PHC3: variants seen among roughly 807,000 people sequenced by gnomAD.
The protein encoded by PHC3 is polyhomeotic homolog 3.
In PHC3, 13 loss-of-function variants were observed where a neutral mutation model predicts 107.4. That is an observed-to-expected ratio of 0.12 (90% CI 0.08 to 0.19). The LOEUF is 0.19. Among genes scored for constraint, PHC3 ranks in the 10% least tolerant of loss-of-function variants. The pLI, the probability that PHC3 is intolerant of heterozygous loss-of-function variation, is 1.00. For synonymous variants in PHC3, 456 were observed against 427.4 expected, an observed-to-expected ratio of 1.07 and a Z score of -0.83; for missense variants, 992 against 1,210.9, an observed-to-expected ratio of 0.82 and a Z score of 2.68.
At chr3:170,166,940 C>T (rs550009508) in intron 4 of PHC3, among the ~76,000 whole-genome samples, 1 of 152,158 alleles carries the variant, frequency 6.6e-6, no homozygotes, top group Admixed American at 6.5e-5. Flanking sequence ...CAAGCATGAG[C>T]CACCATTCTC....
chr3:170,088,551 G>A lies in PHC3; in HGVS notation c.*8679C>T, dbSNP rs568583545. 1 of 152,216 alleles carries A rather than the reference G, an allele frequency of 6.6e-6. No individual in the cohort carries two copies. Among genetic ancestry groups the A allele is most frequent in the Admixed American group, 6.5e-5 (1 of 15,288 alleles). The allele number at this position is 152,216 out of a possible 1,614,324, so 9.4% of individuals were successfully genotyped here. On this transcript the variant is annotated 3_prime_UTR_variant, in exon 15 of 15. Transcript: ENST00000495893. ...CAAAGACCAAGCTTTTGAAGGAGAG[G>A]ACTGGGAATCTAGTTTAAATGTCTA...
chr3:170,172,750 C>G (rs1560133696), intron 2 of PHC3, 38 bp from the exon 3 acceptor site: 3 of 1,560,984 alleles, frequency 1.9e-6, no homozygotes, highest in Non-Finnish European at 2.6e-6. Context: ...AAACCATAAT[C>G]TCAACCTTTA....
At chr3:170,115,877 TCA>T (rs148039100) in intron 10 of PHC3, among the ~76,000 whole-genome samples, 2,309 of 148,462 alleles carry the variant, frequency 0.016, 59 homozygotes, top group East Asian at 0.078. Flanking sequence ...TCCAAGTTTC[TCA>T]CACACACACA....
At position 170,129,545 on chromosome 3, in the gene PHC3, A is replaced by G; in HGVS notation, c.927T>C (p.Tyr309=). The change falls in exon 8 of 15, where the codon TAT becomes TAC. Residue 309 remains tyrosine, a synonymous_variant. Coordinates refer to ENST00000495893, the MANE Select transcript of PHC3 (RefSeq NM_024947.4). ...TTAGAGAATGAGGCTGAATTGGAGA[A>G]TATGAAGCTGTGAGAGAAAAAAATG... ...SIHQLIAPAS[Y]SPIQPHSLIK... is the part of the protein sequence containing the mutation. The G allele has an allele frequency of 6.2e-7, 1 of 1,611,226 alleles. No individual in the cohort carries two copies. Among genetic ancestry groups the G allele is most frequent in the South Asian group, 1.1e-5 (1 of 90,870 alleles).
intron 2 of PHC3, among the ~76,000 whole-genome samples, chr3:170,177,306 A>G (rs886606224): frequency 1.3e-5 from 2 of 152,210 alleles, no homozygotes; most frequent in Non-Finnish European, 2.9e-5. Flanking sequence ...CTTTCCCCTT[A>G]TAATTTTCTT....
chr3:170,149,164 G>A lies in PHC3; in HGVS notation c.495C>T (p.Thr165=). 1 of 1,613,194 alleles carries A rather than the reference G, an allele frequency of 6.2e-7. No homozygotes were observed. The highest frequency in any genetic ancestry group is 8.5e-7 in the Non-Finnish European group (1 of 1,179,688). ...QASSSTSGSI[T]QQTMLLGSTS... is the part of the protein sequence containing the mutation. ...TACTCCCTAGTAACATAGTCTGTTG[G>A]GTAATACTGCCGCTGGTAGAACTGG... The change falls in exon 5 of 15, where the codon ACC becomes ACT. Residue 165 remains threonine, a synonymous_variant. Coordinates refer to ENST00000495893, the MANE Select transcript of PHC3 (RefSeq NM_024947.4).
chr3:170,107,078 T>C (rs1576979749), intron 11 of PHC3, 132 bp from the exon 12 acceptor site: 2 of 543,512 alleles, frequency 3.7e-6, no homozygotes, highest in African/African-American at 1.9e-5. Context: ...ACAGCCACTC[T>C]GGCAGGGCAA....
intron 10 of PHC3, among the ~76,000 whole-genome samples, chr3:170,116,793 C>A (rs1719061418): frequency 6.6e-6 from 1 of 151,712 alleles, no homozygotes. Flanking sequence ...CACCTGTAGT[C>A]TCAGCTACTC....
rs1465454025 is a variant in PHC3, at chr3:170,091,276, T to TA, written c.*5953dup. ...TAATTAACACCTTGCCATGTTAGTA[T>TA]AACAGTGTTTTCAAATTATGTTGTT... On this transcript the variant is annotated 3_prime_UTR_variant, in exon 15 of 15. Coordinates refer to ENST00000495893, the MANE Select transcript of PHC3 (RefSeq NM_024947.4). The TA allele has an allele frequency of 3.9e-5, 6 of 152,236 alleles. No homozygotes were observed. The highest frequency in any genetic ancestry group is 1.4e-4 in the African/African-American group (6 of 41,460). The allele number at this position is 152,236 out of a possible 1,614,324, so 9.4% of individuals were successfully genotyped here. A position where few individuals can be genotyped will look rare whatever the true frequency, so the allele number is the denominator to read the frequency against.
chr3:170,160,104 C>G (rs1727639918), intron 4 of PHC3, among the ~76,000 whole-genome samples: 1 of 152,188 alleles, frequency 6.6e-6, no homozygotes, highest in Admixed American at 6.5e-5. Flanking sequence ...TCCTTGGCAC[C>G]TGACACCAAG....
At chr3:170,138,459 A>G (rs981930557) in intron 6 of PHC3, among the ~76,000 whole-genome samples, 3 of 152,168 alleles carry the variant, frequency 2.0e-5, no homozygotes, top group Non-Finnish European at 4.4e-5. Context: ...TGGGAGGCTG[A>G]GGCAGGCGGA....
At chr3:170,115,003 T>G (rs1055535755) in intron 10 of PHC3, among the ~76,000 whole-genome samples, 1 of 152,118 alleles carries the variant, frequency 6.6e-6, no homozygotes, top group African/African-American at 2.4e-5. Flanking sequence ...TTCTCACAGA[T>G]GAATAAATTT....
At chr3:170,109,133 C>T (rs1717140880) in intron 11 of PHC3, among the ~76,000 whole-genome samples, 1 of 152,122 alleles carries the variant, frequency 6.6e-6, no homozygotes, top group African/African-American at 2.4e-5. Flanking sequence ...ACTGCCAAAA[C>T]ACTTTTTTAA....
In PHC3 at chr3:170,097,483, T is replaced by C; in HGVS notation, c.2834-99A>G. 8.7e-7 allele frequency: 1 copy of C among 1,148,776 alleles called. No individual in the cohort carries two copies. The highest frequency in any genetic ancestry group is 1.2e-6 in the Non-Finnish European group (1 of 850,442). The allele number at this position is 1,148,776 out of a possible 1,614,324, so 71.2% of individuals were successfully genotyped here. A position where few individuals can be genotyped will look rare whatever the true frequency, so the allele number is the denominator to read the frequency against. On this transcript the variant is annotated intron_variant, in intron 14 of 14. Coordinates refer to ENST00000495893, the MANE Select transcript of PHC3 (RefSeq NM_024947.4). The surrounding 1 kb of genome is among the most constrained non-coding windows in gnomAD (Gnocchi z 4.1). Reference sequence around the variant, plus strand: ...TATGCTCTCACTGGGTCTGAGAATCTGAAATACAGGCTGAGAAACAAATGA... The same window carrying C: ...TATGCTCTCACTGGGTCTGAGAATCCGAAATACAGGCTGAGAAACAAATGA...
At chr3:170,180,057 GC>G (rs1297695880) in intron 1 of PHC3, among the ~76,000 whole-genome samples, 1 of 150,720 alleles carries the variant, frequency 6.6e-6, no homozygotes, top group Admixed American at 6.7e-5. Flanking sequence ...CCATAGCGTT[GC>G]TTTTTTAAGT....
At chr3:170,124,594 G>A (rs1452240796) in intron 8 of PHC3, among the ~76,000 whole-genome samples, 1 of 151,456 alleles carries the variant, frequency 6.6e-6, no homozygotes, top group Non-Finnish European at 1.5e-5. Flanking sequence ...CAAACTCCTG[G>A]GCTCAAGTGA....
At chr3:170,163,826 G>A (rs1356983042) in intron 4 of PHC3, among the ~76,000 whole-genome samples, 6 of 137,876 alleles carry the variant, frequency 4.4e-5, no homozygotes, top group Non-Finnish European at 6.0e-5. Context: ...TCATGCCACT[G>A]CACTCCAGCC....
At chr3:170,115,081 CATA>C (rs1718639111) in intron 10 of PHC3, among the ~76,000 whole-genome samples, 1 of 152,012 alleles carries the variant, frequency 6.6e-6, no homozygotes, top group Non-Finnish European at 1.5e-5. Flanking sequence ...TGTAATATGA[CATA>C]ATAACTCTAT....
chr3:170,159,047 C>G (rs529003391), intron 4 of PHC3, among the ~76,000 whole-genome samples: 6 of 151,818 alleles, frequency 4.0e-5, no homozygotes, highest in African/African-American at 7.2e-5. Flanking sequence ...GTCAGGAGAT[C>G]GAGACCATCC....
Sources: allele counts gnomAD v4.1 joint callset (sites outside exome capture counted in the v4.1 genomes callset), GRCh38; gene constraint gnomAD v4.1.1; non-coding constraint Gnocchi (gnomAD v3.1); transcripts MANE v1.5; gene names NCBI Gene and HGNC (gene_info 2026-07-23, HGNC 2026-07-21).